Variants in ATRNL1 observed in about 807,000 individuals in gnomAD.
The protein encoded by ATRNL1 is attractin-like protein 1.
A neutral mutation model predicts 182.7 loss-of-function variants in ATRNL1; 95 were observed. The ratio of observed to expected loss-of-function variants is 0.52; its 90% CI spans 0.44 to 0.62. The LOEUF (loss-of-function observed/expected upper bound fraction) is 0.62. Among genes scored for constraint, ATRNL1 ranks in the 20% least tolerant of loss-of-function variants. The pLI is 0.00. For missense variants in ATRNL1, 1,471 were observed against 1,679.5 expected, an observed-to-expected ratio of 0.88 and a Z score of 2.17; for synonymous variants, 576 against 568.3, an observed-to-expected ratio of 1.01 and a Z score of -0.19.
intron 26 of ATRNL1, among the ~76,000 whole-genome samples, chr10:115,601,140 T>A (rs10885753): frequency 1.3e-5 from 2 of 151,794 alleles, no homozygotes; most frequent in African/African-American, 2.4e-5. Context: ...CATGACTTAC[T>A]TAAAAGTATT....
intron 18 of ATRNL1, among the ~76,000 whole-genome samples, chr10:115,322,210 A>G (rs555038949): frequency 6.6e-6 from 1 of 152,040 alleles, no homozygotes; most frequent in South Asian, 2.1e-4. Flanking sequence ...CTACATCTAT[A>G]TATGTTGTGG....
intron 28 of ATRNL1, among the ~76,000 whole-genome samples, chr10:115,938,735 T>A (rs1953637888): frequency 6.6e-6 from 1 of 152,128 alleles, no homozygotes; most frequent in Non-Finnish European, 1.5e-5. Context: ...TTATGTTAAG[T>A]GAAATAAGCC....
chr10:115,837,515 CACACACACACA>C (rs1950705914), intron 27 of ATRNL1, among the ~76,000 whole-genome samples: 3 of 109,828 alleles, frequency 2.7e-5, no homozygotes, highest in Non-Finnish European at 5.5e-5. Flanking sequence ...CACACACACA[CACACACACACA>C]CCAGAACACC....
chr10:115,553,989 G>A (rs1452000145), intron 26 of ATRNL1, among the ~76,000 whole-genome samples: 1 of 151,424 alleles, frequency 6.6e-6, no homozygotes, highest in Non-Finnish European at 1.5e-5. Flanking sequence ...AAACATTAAG[G>A]AAAATGTGAA....
chr10:115,602,900 G>C (rs1341870501), intron 26 of ATRNL1, among the ~76,000 whole-genome samples: 4 of 151,160 alleles, frequency 2.6e-5, no homozygotes, highest in African/African-American at 9.7e-5. Context: ...CCAAATGGCT[G>C]ATAATTTGCT....
At chr10:115,609,248 C>G (rs80015577) in intron 26 of ATRNL1, among the ~76,000 whole-genome samples, 111 of 152,180 alleles carry the variant, frequency 7.3e-4, no homozygotes, top group African/African-American at 2.4e-3. Flanking sequence ...CTTTAGTTCT[C>G]CCGCACCCTG....
chr10:115,549,328 T>C, intron 25 of ATRNL1, 130 bp from the exon 26 acceptor site: 1 of 487,982 alleles, frequency 2.0e-6, no homozygotes, highest in Non-Finnish European at 3.3e-6. Context: ...AAATTTATCA[T>C]ATTTTTGATT....
intron 21 of ATRNL1, among the ~76,000 whole-genome samples, chr10:115,451,352 TTGCAAACTA>T (rs1847271744): frequency 6.6e-6 from 1 of 152,092 alleles, no homozygotes; most frequent in Non-Finnish European, 1.5e-5. Context: ...GAGAAAATAT[TTGCAAACTA>T]TGCGTCTATC....
chr10:115,536,865 C>T lies in ATRNL1; in HGVS notation c.3717-12593C>T, dbSNP rs570727780. ...AAAAAAGGTGAACCTAATTTAGTCA[C>T]AGGATCTCTACATCAAAGAGATATA... On this transcript the variant is annotated intron_variant, in intron 25 of 28. Transcript: ENST00000355044. 2.1e-4 allele frequency among the ~76,000 whole-genome samples: 32 copies of T among 152,318 alleles called. No individual in the cohort carries two copies. The South Asian group carries it at 4.8e-3, about 23-fold the overall frequency.
At chr10:115,761,179 A>C (rs1948727099) in intron 27 of ATRNL1, among the ~76,000 whole-genome samples, 1 of 152,224 alleles carries the variant, frequency 6.6e-6, no homozygotes, top group African/African-American at 2.4e-5. Context: ...TTTTATTAGA[A>C]AACTTTTGTT....
At chr10:115,639,797 T>G (rs535645858) in intron 26 of ATRNL1, among the ~76,000 whole-genome samples, 63 of 148,392 alleles carry the variant, frequency 4.2e-4, no homozygotes, top group African/African-American at 7.6e-4. Flanking sequence ...AAATGAGGGG[T>G]TTTTTTTTCA....
At chr10:115,871,439 A>G (rs2134417208) in intron 28 of ATRNL1, among the ~76,000 whole-genome samples, 1 of 145,746 alleles carries the variant, frequency 6.9e-6, no homozygotes, top group South Asian at 2.2e-4. Flanking sequence ...ATTTGACAGT[A>G]CCGGTCCTAG....
intron 21 of ATRNL1, among the ~76,000 whole-genome samples, chr10:115,439,762 G>A (rs1340220034): frequency 6.6e-6 from 1 of 151,926 alleles, no homozygotes; most frequent in Non-Finnish European, 1.5e-5. Flanking sequence ...TTTGACTACA[G>A]TAGTAGGAGA....
Position 115,355,239 on chromosome 10 carries a change from G to A in ATRNL1, c.3175+20820G>A, listed in dbSNP as rs531569792. On this transcript the variant is annotated intron_variant, in intron 19 of 28. Transcript: ENST00000355044. Reference sequence around the variant, plus strand: ...ATGAGCGTTAAAAATTTAGGTATTTGTTCCAGTCTTTCCAGTCTGGCATTG... The same window carrying A: ...ATGAGCGTTAAAAATTTAGGTATTTATTCCAGTCTTTCCAGTCTGGCATTG... Among the ~76,000 whole-genome samples, 13 of 152,258 alleles carry A rather than the reference G, an allele frequency of 8.5e-5. No individual in the cohort carries two copies. The South Asian group carries it at 2.5e-3, about 29-fold the overall frequency.
At chr10:115,371,461 T>A (rs1198366294) in intron 19 of ATRNL1, among the ~76,000 whole-genome samples, 1 of 152,214 alleles carries the variant, frequency 6.6e-6, no homozygotes, top group African/African-American at 2.4e-5. Flanking sequence ...ACACACCTCT[T>A]GCATCAGCGT....
At chr10:115,243,768 AAC>A (rs1375741876) in intron 10 of ATRNL1, among the ~76,000 whole-genome samples, 5 of 152,090 alleles carry the variant, frequency 3.3e-5, no homozygotes, top group African/African-American at 1.2e-4. Context: ...GCATATTTTA[AAC>A]AGTTTTACAT....
intron 28 of ATRNL1, among the ~76,000 whole-genome samples, chr10:115,913,043 C>T (rs1952733082): frequency 6.6e-6 from 1 of 152,174 alleles, no homozygotes; most frequent in Non-Finnish European, 1.5e-5. Flanking sequence ...GGTAAAGAAG[C>T]TAGGGCAGCT....
intron 28 of ATRNL1, among the ~76,000 whole-genome samples, chr10:115,912,097 G>A (rs1952698025): frequency 6.6e-6 from 1 of 152,158 alleles, no homozygotes; most frequent in African/African-American, 2.4e-5. Flanking sequence ...AGAACTACAG[G>A]AGACAGGGCA....
chr10:115,358,427 A>C (rs1379006966), intron 19 of ATRNL1, among the ~76,000 whole-genome samples: 1 of 151,460 alleles, frequency 6.6e-6, no homozygotes, highest in Non-Finnish European at 1.5e-5. Context: ...TTCATATTCT[A>C]TCATATCTTT....
Sources: gnomAD v4.1 joint callset for allele counts (sites outside exome capture counted in the v4.1 genomes callset) on GRCh38, gnomAD v4.1.1 for gene constraint, MANE v1.5 for transcripts, NCBI Gene and HGNC (gene_info 2026-07-23, HGNC 2026-07-21) for gene names.